SETDB2: variants seen among roughly 807,000 people sequenced by gnomAD.
The protein encoded by SETDB2 is histone-lysine N-methyltransferase SETDB2.
SETDB2 carries 56 observed loss-of-function variants against 82.5 expected under a neutral mutation model. The observed-to-expected ratio is 0.68, with a 90% CI of 0.55 to 0.85. The LOEUF is 0.85. SETDB2 is among the 40% of genes least tolerant of loss of function. The pLI is 0.00. For synonymous variants in SETDB2, 272 were observed against 284.9 expected, an observed-to-expected ratio of 0.95 and a Z score of 0.46; for missense variants, 677 against 816.4, an observed-to-expected ratio of 0.83 and a Z score of 2.08.
chr13:49,471,926 A>AT (rs1219487332), intron 5 of SETDB2, among the ~76,000 whole-genome samples: 60 of 64,584 alleles, frequency 9.3e-4, no homozygotes, highest in African/African-American at 4.5e-3. Context: ...ATATATATAT[A>AT]TATATATATT....
In SETDB2 at chr13:49,488,374, A is replaced by T; in HGVS notation, c.1661A>T (p.Glu554Val). 6.2e-7 allele frequency: 1 copy of T among 1,612,918 alleles called. No homozygotes were observed. The highest frequency in any genetic ancestry group is 8.5e-7 in the Non-Finnish European group (1 of 1,179,788). The change falls in exon 12 of 14, where the codon GAA becomes GTA. Residue 554 changes from glutamate to valine, a missense_variant. This residue lies in a region of SETDB2 where 420 missense variants were observed against 554.6 expected (regional missense o/e 0.76). Coordinates refer to ENST00000611815, the MANE Select transcript of SETDB2 (RefSeq NM_001160308.3). ...GTGATAGATATAACTAAATATAGAGAAGAAACTCCACCAAGGAGCAGATGT... is the reference window on the plus strand; with the variant it reads ...GTGATAGATATAACTAAATATAGAGTAGAAACTCCACCAAGGAGCAGATGT... ...SDVIDITKYREETPPRSRCNQ... is the reference protein window; with the variant it reads ...SDVIDITKYRVETPPRSRCNQ...
chr13:49,461,512 A>T (rs1957992005), intron 4 of SETDB2, among the ~76,000 whole-genome samples: 1 of 152,236 alleles, frequency 6.6e-6, no homozygotes, highest in Non-Finnish European at 1.5e-5. Context: ...ATATTCTTGT[A>T]TAGATAAGTT....
chr13:49,473,852 G>A (rs555712164), intron 5 of SETDB2, among the ~76,000 whole-genome samples: 2 of 152,130 alleles, frequency 1.3e-5, no homozygotes, highest in African/African-American at 4.8e-5. Context: ...CCAGAGTTCA[G>A]GTTATACCAT....
rs1353675040 is a variant in SETDB2 at position 49,454,101 on chromosome 13, C to T, written c.16+2192C>T. Among the ~76,000 whole-genome samples, 3 of 152,036 alleles carry T rather than the reference C, an allele frequency of 2.0e-5. No individual in the cohort carries two copies. The East Asian group carries it at 5.8e-4, about 29-fold the overall frequency. ...CATCCATTTACTTAATTGTTCAATTCCAGTATATATATGTAGCAGTATCAG... is the reference window on the plus strand; with the variant it reads ...CATCCATTTACTTAATTGTTCAATTTCAGTATATATATGTAGCAGTATCAG... On this transcript the variant is annotated intron_variant, in intron 2 of 13. Transcript: ENST00000611815.
Position 49,488,619 on chromosome 13 carries a change from C to T in SETDB2, c.1906C>T (p.Arg636Cys), listed in dbSNP as rs764557386. The T allele has an allele frequency of 5.0e-6, 8 of 1,592,398 alleles. No individual in the cohort carries two copies. Among genetic ancestry groups the T allele is most frequent in the Admixed American group, 1.8e-5 (1 of 56,492 alleles). ...TGCCACAAAAGAAGGAAATGTCGGCCGCTTCCTTAATGTGAGTATAAGGGC... is the reference window on the plus strand; with the variant it reads ...TGCCACAAAAGAAGGAAATGTCGGCTGCTTCCTTAATGTGAGTATAAGGGC... Reference protein sequence around the residue: ...LDATKEGNVGRFLNHSCCPNL... With the variant: ...LDATKEGNVGCFLNHSCCPNL... The change falls in exon 12 of 14, where the codon CGC becomes TGC. Residue 636 changes from arginine (R) to cysteine (C), a missense_variant. Transcript: ENST00000611815.
intron 10 of SETDB2, among the ~76,000 whole-genome samples, chr13:49,483,832 C>G (rs181148299): frequency 6.6e-6 from 1 of 151,856 alleles, no homozygotes; most frequent in Non-Finnish European, 1.5e-5. Flanking sequence ...ATTGCCCAGG[C>G]TGGTCTCCAA....
chr13:49,468,036 A>G, intron 5 of SETDB2, 76 bp downstream of exon 5: 3 of 1,003,726 alleles, frequency 3.0e-6, no homozygotes, highest in Non-Finnish European at 4.1e-6. Context: ...TGACATTAGA[A>G]TAGATGAAAT....
rs139651207 is a variant in SETDB2 at position 49,488,686 on chromosome 13, T to A, written c.1917+56T>A. ...GAACAACTGTTTTTTTCTATGCTAC[T>A]TAACAAAATTATGAGGAAAATAAAC... On this transcript the variant is annotated intron_variant, in intron 12 of 13. Transcript: ENST00000611815. 530 of 1,375,508 alleles carry A rather than the reference T, an allele frequency of 3.9e-4. 2 individuals carry two copies. Among genetic ancestry groups the A allele is most frequent in the Admixed American group, 3.5e-3 (147 of 42,556 alleles). 85.2% of individuals were successfully genotyped at this position (1,375,508 alleles called of 1,614,324 possible).
In SETDB2 at chr13:49,494,417, A is replaced by G. The variant is rs895056201; in HGVS notation, c.*2568A>G. On this transcript the variant is annotated 3_prime_UTR_variant, in exon 14 of 14. Coordinates refer to ENST00000611815, the MANE Select transcript of SETDB2 (RefSeq NM_001160308.3). ...CTGTATGTTTGTTTTGGTCGTTCAC[A>G]TTATAGGCTTTCCTCAGAGTTAATG... 2.0e-5 allele frequency: 3 copies of G among 152,152 alleles called. No individual in the cohort carries two copies. The highest frequency in any genetic ancestry group is 7.2e-5 in the African/African-American group (3 of 41,426). The allele number at this position is 152,152 out of a possible 1,614,324, so 9.4% of individuals were successfully genotyped here.
intron 10 of SETDB2, among the ~76,000 whole-genome samples, chr13:49,483,767 A>G (rs1053365299): frequency 6.6e-6 from 1 of 151,670 alleles, no homozygotes; most frequent in African/African-American, 2.4e-5. Context: ...GGCTGGGACT[A>G]CAGGTGCACA....
chr13:49,490,927 G>A lies in SETDB2; in HGVS notation c.2006+17G>A, dbSNP rs953459596. The A allele has an allele frequency of 3.9e-5, 62 of 1,589,620 alleles. No individual in the cohort carries two copies. Among genetic ancestry groups the A allele is most frequent in the East Asian group, 2.0e-4 (9 of 44,764 alleles). ...CACCAACAGGTTTGAAATTGATTTC[G>A]CTTACTTAATTCTGAAATTGTGACT... On this transcript the variant is annotated intron_variant, in intron 13 of 13. Transcript: ENST00000611815.
Position 49,482,721 on chromosome 13 carries a change from A to G in SETDB2, c.1157-16A>G, listed in dbSNP as rs914378693. ...ATCTTCTGTGTTGTTCAAACTCTTTAACATTTTCCTTTTAGGAAGATTACT... is the reference window on the plus strand; with the variant it reads ...ATCTTCTGTGTTGTTCAAACTCTTTGACATTTTCCTTTTAGGAAGATTACT... On this transcript the variant is annotated splice_polypyrimidine_tract_variant and intron_variant, in intron 8 of 13. Coordinates refer to ENST00000611815, the MANE Select transcript of SETDB2 (RefSeq NM_001160308.3). 3 of 1,542,646 alleles carry G rather than the reference A, an allele frequency of 1.9e-6. No homozygotes were observed. Among genetic ancestry groups the G allele is most frequent in the African/African-American group, 2.7e-5 (2 of 72,822 alleles).
In SETDB2 at chr13:49,467,980, GTTAT is replaced by G; in HGVS notation, c.305+22_305+25del. ...ATTTCTGTATGTATATAAATTCTTT[GTTAT>G]TAATGCTTTTGCTCCTACAGATTTC... On this transcript the variant is annotated intron_variant, in intron 5 of 13. Transcript: ENST00000611815. 6.6e-7 allele frequency: 1 copy of G among 1,505,064 alleles called. No homozygotes were observed. Among genetic ancestry groups the G allele is most frequent in the Non-Finnish European group, 9.1e-7 (1 of 1,104,312 alleles). 93.2% of individuals were successfully genotyped at this position (1,505,064 alleles called of 1,614,324 possible). A position where few individuals can be genotyped will look rare whatever the true frequency, so the allele number is the denominator to read the frequency against.
intron 1 of SETDB2, chr13:49,446,507 T>G (rs1384347122): frequency 1.0e-5 from 4 of 387,814 alleles, no homozygotes; most frequent in East Asian, 7.8e-5. Flanking sequence ...ATATTCTATA[T>G]AGGTGAATAT....
chr13:49,483,838 T>A (rs1049053378), intron 10 of SETDB2, among the ~76,000 whole-genome samples: 1 of 151,930 alleles, frequency 6.6e-6, no homozygotes, highest in Non-Finnish European at 1.5e-5. Context: ...CAGGCTGGTC[T>A]CCAACTCCTG....
At chr13:49,470,631 T>G (rs1170666714) in intron 5 of SETDB2, among the ~76,000 whole-genome samples, 2 of 152,214 alleles carry the variant, frequency 1.3e-5, no homozygotes, top group East Asian at 3.9e-4. Flanking sequence ...GAGGATCACT[T>G]GAGCCCAAAA....
At chr13:49,460,292 A>G (rs1957967594) in intron 3 of SETDB2, 60 bp downstream of exon 3, 3 of 1,503,086 alleles carry the variant, frequency 2.0e-6, no homozygotes, top group Non-Finnish European at 1.8e-6. Context: ...CTGACAGTAC[A>G]GTATCATTCT....
At chr13:49,486,092 A>G (rs1215383647) in intron 11 of SETDB2, among the ~76,000 whole-genome samples, 3 of 152,148 alleles carry the variant, frequency 2.0e-5, no homozygotes, top group African/African-American at 7.2e-5. Flanking sequence ...AAGCCAAGGC[A>G]GGAGGGCTGC....
Position 49,489,666 on chromosome 13 carries a change from G to A in SETDB2, c.1917+1036G>A, listed in dbSNP as rs1179903685. Among the ~76,000 whole-genome samples, 13 of 125,308 alleles carry A rather than the reference G, an allele frequency of 1.0e-4. No homozygotes were observed. The South Asian group carries it at 1.5e-3, about 14-fold the overall frequency. The allele number at this position is 125,308 out of a possible 152,430, so 82.2% of individuals were successfully genotyped here. On this transcript the variant is annotated intron_variant, in intron 12 of 13. Coordinates refer to ENST00000611815, the MANE Select transcript of SETDB2 (RefSeq NM_001160308.3). ...GGCTGGAGTGCAGTGGTGTGATCTC[G>A]GCCCACTGCGATCTCCGCCTCCTAG... is the stretch of plus-strand genomic sequence containing the variant.
Sources: allele counts gnomAD v4.1 joint callset (sites outside exome capture counted in the v4.1 genomes callset), GRCh38; gene constraint gnomAD v4.1.1; regional missense constraint gnomAD v4.1.1; transcripts MANE v1.5; gene names NCBI Gene and HGNC (gene_info 2026-07-23, HGNC 2026-07-21).